The following TGM2 variants were observed in gnomAD, a reference collection of about 807,000 sequenced individuals.
The protein encoded by TGM2 is protein-glutamine gamma-glutamyltransferase 2.
Under a neutral mutation model 75.6 loss-of-function variants are expected in TGM2, and 53 were observed. The observed-to-expected ratio is 0.70, with a 90% confidence interval of 0.56 to 0.88. The LOEUF is 0.88. TGM2 is among the 40% of genes least tolerant of loss of function. The pLI, the probability that TGM2 is intolerant of heterozygous loss-of-function variation, is 0.00. For synonymous variants in TGM2, 374 were observed against 381.1 expected (o/e 0.98, Z 0.22); for missense variants, 842 against 928.5 (o/e 0.91, Z 1.21).
chr20:38,132,232 G>A lies in TGM2; in HGVS notation c.1776+108C>T, dbSNP rs1045118004. 1.7e-5 allele frequency: 22 copies of A among 1,315,124 alleles called. No individual in the cohort carries two copies. The African/African-American group carries it at 2.3e-4, about 14-fold the overall frequency. The allele number at this position is 1,315,124 out of a possible 1,614,324, so 81.5% of individuals were successfully genotyped here. On this transcript the variant is annotated intron_variant, in intron 11 of 12. Transcript: ENST00000361475. ...ATTTGAGGATCGCTAAGGCACCAAA[G>A]GTCTGGAGCTTGCAGGGATGCAGGT...
At chr20:38,141,260 G>T (rs762724074) in intron 8 of TGM2, 22 bp downstream of exon 8, 2 of 1,543,858 alleles carry the variant, frequency 1.3e-6, no homozygotes, top group African/African-American at 2.7e-5. Context: ...TCTGTTTGAC[G>T]CGACAGTGCC....
intron 3 of TGM2, among the ~76,000 whole-genome samples, chr20:38,151,977 C>T (rs956487997): frequency 4.6e-5 from 7 of 152,180 alleles, no homozygotes; most frequent in Non-Finnish European, 8.8e-5. Flanking sequence ...CAAGAAGGGG[C>T]AATCTGGAGC....
intron 2 of TGM2, among the ~76,000 whole-genome samples, chr20:38,156,720 A>G (rs2075192624): frequency 6.6e-6 from 1 of 152,146 alleles, no homozygotes; most frequent in African/African-American, 2.4e-5. Context: ...GATGCTGGTC[A>G]TAACGACCCC....
intron 4 of TGM2, among the ~76,000 whole-genome samples, chr20:38,149,692 A>AAAAAAAAAAAC (rs1555809515): frequency 8.8e-5 from 13 of 147,114 alleles, no homozygotes; most frequent in African/African-American, 3.1e-4. Context: ...AAAAAAAAAA[A>AAAAAAAAAAAC]AAAAAAAAAC....
chr20:38,160,112 A>G (rs893969084), intron 2 of TGM2, among the ~76,000 whole-genome samples: 1 of 152,194 alleles, frequency 6.6e-6, no homozygotes, highest in African/African-American at 2.4e-5. Flanking sequence ...AGAAGGATGG[A>G]GGAGCTATCC....
At position 38,150,936 on chromosome 20, in the gene TGM2, T is replaced by C. The variant is rs1232454416; in HGVS notation, c.552+3A>G. ...GTTGGGAGAGACAGGGTGTGGCCCT[T>C]ACCTGCCCAAAATTCCAAGGTATGT... On this transcript the variant is annotated splice_donor_region_variant and intron_variant, in intron 4 of 12. Coordinates refer to ENST00000361475, the MANE Select transcript of TGM2 (RefSeq NM_004613.4). 5.0e-6 allele frequency: 8 copies of C among 1,611,242 alleles called. No individual in the cohort carries two copies. Among genetic ancestry groups the C allele is most frequent in the Non-Finnish European group, 6.8e-6 (8 of 1,177,504 alleles).
intron 2 of TGM2, among the ~76,000 whole-genome samples, chr20:38,160,699 G>A (rs1379458688): frequency 6.6e-6 from 1 of 152,210 alleles, no homozygotes; most frequent in East Asian, 1.9e-4. Flanking sequence ...ATGGAAGGCT[G>A]AAGCTAGCTG....
At chr20:38,167,562 C>A (rs1372091206), upstream of TGM2, among the ~76,000 whole-genome samples, 1 of 152,152 alleles carries the variant, frequency 6.6e-6, no homozygotes, top group Non-Finnish European at 1.5e-5. Flanking sequence ...TGGTCTCAAA[C>A]TCCTGAGCTC....
chr20:38,163,326 C>T (rs866508151), intron 1 of TGM2, among the ~76,000 whole-genome samples: 6 of 152,204 alleles, frequency 3.9e-5, no homozygotes, highest in Admixed American at 1.3e-4. Context: ...TTCAAAGTCA[C>T]GCCGCAAGTT....
chr20:38,160,618 G>A (rs1223764901), intron 2 of TGM2, among the ~76,000 whole-genome samples: 1 of 152,078 alleles, frequency 6.6e-6, no homozygotes, highest in African/African-American at 2.4e-5. Flanking sequence ...TAGTCTTTCT[G>A]TCCAGCCCCG....
chr20:38,142,319 T>C, intron 6 of TGM2, 120 bp from the exon 7 acceptor site: 1 of 1,492,532 alleles, frequency 6.7e-7, no homozygotes. Flanking sequence ...GCTGAGAACA[T>C]GAGCCAGCCC....
chr20:38,137,452 CA>C (rs377704485), intron 10 of TGM2, among the ~76,000 whole-genome samples: 2 of 151,616 alleles, frequency 1.3e-5, no homozygotes, highest in African/African-American at 4.8e-5. Context: ...GACTCCATCT[CA>C]AAAAAAATAA....
chr20:38,148,069 G>A lies in TGM2; in HGVS notation c.573C>T (p.Asp191=). ...TGACATCTAGAAGGATCAGGCAGAT[G>A]TCTAGGATCCCATCTTCAAACTGTG... The part of the protein sequence containing the change: ...NFGQFEDGIL[D]ICLILLDVNP... Residue 191 remains aspartate (D), a synonymous_variant, in exon 5 of 13, where the codon GAC becomes GAT. Coordinates refer to ENST00000361475, the MANE Select transcript of TGM2 (RefSeq NM_004613.4). 6.2e-7 allele frequency: 1 copy of A among 1,614,192 alleles called. No homozygotes were observed. The highest frequency in any genetic ancestry group is 8.5e-7 in the Non-Finnish European group (1 of 1,180,038).
intron 10 of TGM2, among the ~76,000 whole-genome samples, chr20:38,135,404 TAC>T (rs111420640): frequency 0.041 from 5,976 of 147,224 alleles, 337 homozygotes; most frequent in African/African-American, 0.13. Flanking sequence ...CCTAAATGTA[TAC>T]ACACACACAC....
chr20:38,167,548 A>G (rs2075321121), upstream of TGM2, among the ~76,000 whole-genome samples: 1 of 152,138 alleles, frequency 6.6e-6, no homozygotes, highest in Non-Finnish European at 1.5e-5. Flanking sequence ...TATGTTGCCC[A>G]GGCTGGTCTC....
At chr20:38,165,154 C>G in intron 1 of TGM2, 35 bp downstream of exon 1, 1 of 1,613,938 alleles carries the variant, frequency 6.2e-7, no homozygotes, top group Non-Finnish European at 8.5e-7. Context: ...GCCCCGGGGC[C>G]CCTGAGTGGC....
chr20:38,147,039 G>T, intron 5 of TGM2, 145 bp from the exon 6 acceptor site: 1 of 826,824 alleles, frequency 1.2e-6, no homozygotes, highest in Non-Finnish European at 1.9e-6. Flanking sequence ...GGGCCATCGT[G>T]TGACAGACTG....
chr20:38,141,433 C>G (rs2074973256), intron 7 of TGM2, 48 bp from the exon 8 acceptor site: 1 of 1,375,718 alleles, frequency 7.3e-7, no homozygotes, highest in Non-Finnish European at 1.0e-6. Context: ...GAGCAACATT[C>G]ATCGCCACCT....
intron 8 of TGM2, 33 bp from the exon 9 acceptor site, chr20:38,139,687 TG>T (rs752529073): frequency 6.2e-7 from 1 of 1,613,248 alleles, no homozygotes; most frequent in South Asian, 1.1e-5. Flanking sequence ...GGGATGGGCC[TG>T]GGTGAAGGTT....
Sources: allele counts gnomAD v4.1 joint callset (sites outside exome capture counted in the v4.1 genomes callset), GRCh38; gene constraint gnomAD v4.1.1; transcripts MANE v1.5; gene names NCBI Gene and HGNC (gene_info 2026-07-23, HGNC 2026-07-21).